Variants in RAP1B observed in about 807,000 individuals in gnomAD.
The protein encoded by RAP1B is RAP1B, member of RAS oncogene family, also known as ras-related protein Rap-1b.
In RAP1B, 1 loss-of-function variant was observed where a neutral mutation model predicts 27.5. The ratio of observed to expected loss-of-function variants is 0.04; its 90% CI spans 0.01 to 0.17. The LOEUF (loss-of-function observed/expected upper bound fraction) is 0.17. Among genes scored for constraint, RAP1B ranks in the 10% least tolerant of loss-of-function variants. The pLI is 1.00. For synonymous variants in RAP1B, 75 were observed against 73.1 expected (o/e 1.03, Z -0.13); for missense variants, 84 against 214.8 (o/e 0.39, Z 3.81).
At chr12:68,631,310 T>C (rs1457776087) in intron 1 of RAP1B, among the ~76,000 whole-genome samples, 1 of 152,198 alleles carries the variant, frequency 6.6e-6, no homozygotes, top group Non-Finnish European at 1.5e-5. Context: ...TCTGACCTCA[T>C]TTTTTGTTTT....
intron 1 of RAP1B, among the ~76,000 whole-genome samples, chr12:68,639,036 T>C (rs1464973114): frequency 6.6e-6 from 1 of 152,210 alleles, no homozygotes; most frequent in Non-Finnish European, 1.5e-5. Context: ...AACAAAACAT[T>C]TTATAATTGA....
intron 7 of RAP1B, chr12:68,657,766 ACACACACGTGCGCG>A (rs1414881796): frequency 8.1e-6 from 1 of 124,204 alleles, no homozygotes; most frequent in African/African-American, 3.3e-5. Flanking sequence ...ACACACACAC[ACACACACGTGCGCG>A]CGTGCGCGTG....
chr12:68,647,001 G>A (rs1873455909), intron 1 of RAP1B, among the ~76,000 whole-genome samples: 1 of 152,014 alleles, frequency 6.6e-6, no homozygotes, highest in South Asian at 2.1e-4. Flanking sequence ...TTAACTGTTG[G>A]GTCTTTGCCA....
At chr12:68,654,308 T>A (rs1874034078) in intron 5 of RAP1B, 56 bp downstream of exon 5, 2 of 954,850 alleles carry the variant, frequency 2.1e-6, no homozygotes, top group Non-Finnish European at 2.7e-6. Flanking sequence ...TATAATTGTT[T>A]AAGTCTAAAT....
At chr12:68,614,929 C>T (rs941830245) in intron 1 of RAP1B, among the ~76,000 whole-genome samples, 3 of 152,168 alleles carry the variant, frequency 2.0e-5, no homozygotes, top group East Asian at 3.8e-4. Flanking sequence ...TGAATTTATC[C>T]ATTTGCAGTA....
At chr12:68,640,993 C>G (rs1269383896) in intron 1 of RAP1B, 1 of 152,114 alleles carries the variant, frequency 6.6e-6, no homozygotes, top group African/African-American at 2.4e-5. Context: ...ATTTACTGAA[C>G]TTAATGTAGA....
At chr12:68,615,339 TAAAAA>T (rs1482494187) in intron 1 of RAP1B, among the ~76,000 whole-genome samples, 1 of 152,054 alleles carries the variant, frequency 6.6e-6, no homozygotes, top group African/African-American at 2.4e-5. Context: ...TTCCCTAAAA[TAAAAA>T]TATTTACAAC....
Position 68,666,636 on chromosome 12 carries a change from A to G in RAP1B, c.*7387A>G, listed in dbSNP as rs1874866791. The G allele has an allele frequency of 6.6e-6, 1 of 152,230 alleles. No individual in the cohort carries two copies. The highest frequency in any genetic ancestry group is 2.4e-5 in the African/African-American group (1 of 41,456). 9.4% of individuals were successfully genotyped at this position (152,230 alleles called of 1,614,324 possible). On this transcript the variant is annotated 3_prime_UTR_variant, in exon 8 of 8. Transcript: ENST00000250559. ...TACTTCAGGATAATCTCATCTCAAA[A>G]TGCTTAATCACATCTGCAAAGACAC...
rs934348290 is a variant in RAP1B at position 68,656,747 on chromosome 12, G to A, written c.468+298G>A. On this transcript the variant is annotated intron_variant, in intron 6 of 7. Transcript: ENST00000250559. ...TATGAAGGATGTTATATGAAAAATAGAGTAAAATTCCGAAAAGTATGCATG... is the reference window on the plus strand; with the variant it reads ...TATGAAGGATGTTATATGAAAAATAAAGTAAAATTCCGAAAAGTATGCATG... 7.6e-5 allele frequency: 40 copies of A among 528,120 alleles called. 1 individual carries two copies. Among genetic ancestry groups the A allele is most frequent in the Middle Eastern group, 4.9e-4 (1 of 2,038 alleles). The allele number at this position is 528,120 out of a possible 1,614,324, so 32.7% of individuals were successfully genotyped here.
intron 2 of RAP1B, 45 bp from the exon 3 acceptor site, chr12:68,650,355 A>C: frequency 6.9e-7 from 1 of 1,454,664 alleles, no homozygotes; most frequent in Non-Finnish European, 9.3e-7. Context: ...GATTGAATGT[A>C]CTCTTTTCTT....
chr12:68,638,716 A>G (rs1872792703), intron 1 of RAP1B, among the ~76,000 whole-genome samples: 1 of 152,040 alleles, frequency 6.6e-6, no homozygotes, highest in Non-Finnish European at 1.5e-5. Context: ...GCTGGAGTGC[A>G]GTGGCGCAAT....
At chr12:68,633,408 C>T (rs550503544) in intron 1 of RAP1B, among the ~76,000 whole-genome samples, 54 of 152,310 alleles carry the variant, frequency 3.5e-4, no homozygotes, top group Non-Finnish European at 5.9e-4. Context: ...TTCTCTGCAT[C>T]CACAGCAAGC....
intron 1 of RAP1B, among the ~76,000 whole-genome samples, chr12:68,630,942 T>C (rs1185692891): frequency 1.3e-5 from 2 of 152,142 alleles, no homozygotes; most frequent in Non-Finnish European, 2.9e-5. Context: ...GTTTTTTTTT[T>C]CATGTACTTT....
intron 1 of RAP1B, among the ~76,000 whole-genome samples, chr12:68,634,774 G>A (rs1872515558): frequency 6.6e-6 from 1 of 152,030 alleles, no homozygotes; most frequent in Admixed American, 6.6e-5. Flanking sequence ...GAACTGAAAA[G>A]GTAACTATAG....
At chr12:68,620,462 A>G (rs1297466316) in intron 1 of RAP1B, among the ~76,000 whole-genome samples, 1 of 151,962 alleles carries the variant, frequency 6.6e-6, no homozygotes, top group Non-Finnish European at 1.5e-5. Flanking sequence ...ACCTCAGGTG[A>G]TCCGCCCACC....
chr12:68,612,336 A>T (rs1353629924), intron 1 of RAP1B, among the ~76,000 whole-genome samples: 1 of 152,170 alleles, frequency 6.6e-6, no homozygotes, highest in Non-Finnish European at 1.5e-5. Context: ...GAAAAGGGAG[A>T]CATTCATTTA....
At position 68,665,648 on chromosome 12, in the gene RAP1B, CA is replaced by C. The variant is rs1241167271; in HGVS notation, c.*6400del. ...CCTCTTCTAGTATGCTATAGACCAG[CA>C]GTAATTTTGTGCTCTAAAATGCTTA... On this transcript the variant is annotated 3_prime_UTR_variant, in exon 8 of 8. Transcript: ENST00000250559. 1.3e-5 allele frequency: 2 copies of C among 152,068 alleles called. No homozygotes were observed. The highest frequency in any genetic ancestry group is 4.8e-5 in the African/African-American group (2 of 41,396). 9.4% of individuals were successfully genotyped at this position (152,068 alleles called of 1,614,324 possible).
chr12:68,657,907 G>A (rs887400743), intron 7 of RAP1B, among the ~76,000 whole-genome samples: 1 of 151,444 alleles, frequency 6.6e-6, no homozygotes, highest in Non-Finnish European at 1.5e-5. Flanking sequence ...TGTTCATCAT[G>A]TGCCACTTTT....
chr12:68,671,173 A>C lies in RAP1B; in HGVS notation c.*11924A>C, dbSNP rs1037308860. 3.3e-5 allele frequency: 5 copies of C among 152,340 alleles called. No individual in the cohort carries two copies. In the South Asian group the frequency reaches 6.2e-4, roughly 19 times the overall value. 9.4% of individuals were successfully genotyped at this position (152,340 alleles called of 1,614,324 possible). On this transcript the variant is annotated 3_prime_UTR_variant, in exon 8 of 8. Coordinates refer to ENST00000250559, the MANE Select transcript of RAP1B (RefSeq NM_001010942.3). ...CTGTAGCCAGAGAAATACGAATCAAAGTACCAACGAGCCCAACACATGGAC... is the reference window on the plus strand; with the variant it reads ...CTGTAGCCAGAGAAATACGAATCAACGTACCAACGAGCCCAACACATGGAC...
Sources: gnomAD v4.1 joint callset for allele counts (sites outside exome capture counted in the v4.1 genomes callset) on GRCh38, gnomAD v4.1.1 for gene constraint, MANE v1.5 for transcripts, NCBI Gene and HGNC (gene_info 2026-07-23, HGNC 2026-07-21) for gene names.